Variants in SLC7A14 observed in about 807,000 individuals in gnomAD.
The protein encoded by SLC7A14 is solute carrier family 7 member 14.
Under a neutral mutation model 60.2 loss-of-function variants are expected in SLC7A14, and 37 were observed. The ratio of observed to expected loss-of-function variants is 0.61; its 90% CI spans 0.47 to 0.81. SLC7A14 has a LOEUF of 0.81. Among genes scored for constraint, SLC7A14 ranks in the 30% least tolerant of loss-of-function variants. The pLI, the probability that SLC7A14 is intolerant of heterozygous loss-of-function variation, is 0.00. For synonymous variants in SLC7A14, 399 were observed against 395.8 expected (o/e 1.01, Z -0.10); for missense variants, 886 against 982.7 (o/e 0.90, Z 1.32).
Position 170,467,056 on chromosome 3 carries a change from T to C in SLC7A14, c.2315A>G (p.Ter772TrpextTer7). Residue 772 changes from the stop codon to tryptophan, a stop_lost, in exon 8 of 8, where the codon TAG becomes TGG. Transcript: ENST00000231706. ...TTTCTACCCACTTGTGTGTTTCTCC[T>C]ACTCTGGAGAGTAATCTAACTCATC... is the stretch of plus-strand genomic sequence containing the variant. ...ANDELDYSPE[*>W] The C allele has an allele frequency of 6.3e-7, 1 of 1,596,288 alleles. No homozygotes were observed. Among genetic ancestry groups the C allele is most frequent in the South Asian group, 1.1e-5 (1 of 88,360 alleles).
intron 1 of SLC7A14, among the ~76,000 whole-genome samples, chr3:170,553,456 A>G (rs1299072925): frequency 6.6e-6 from 1 of 152,116 alleles, no homozygotes; most frequent in Non-Finnish European, 1.5e-5. Context: ...CCAGTTCAAA[A>G]CAGTAACATT....
At position 170,535,078 on chromosome 3, in the gene SLC7A14, C is replaced by G. The variant is rs1713798455; in HGVS notation, c.-152-7990G>C. On this transcript the variant is annotated intron_variant, in intron 1 of 7. Coordinates refer to ENST00000231706, the MANE Select transcript of SLC7A14 (RefSeq NM_020949.3). This position sits in a 1 kb window ranked among gnomAD's most constrained non-coding sequence, Gnocchi z 4.3. ...GACATCACCTTCTCCTCTCCTTTTC[C>G]ATGGACCTCAGGTCCGGTGCCTCAG... 6.6e-6 allele frequency among the ~76,000 whole-genome samples: 1 copy of G among 152,110 alleles called. No individual in the cohort carries two copies. The highest frequency in any genetic ancestry group is 2.4e-5 in the African/African-American group (1 of 41,434).
Position 170,480,615 on chromosome 3 carries a change from C to A in SLC7A14, c.1667G>T (p.Arg556Leu). The change falls in exon 7 of 8, where the codon CGG becomes CTG. Residue 556 changes from arginine (R) to leucine (L), a missense_variant. By Grantham distance (102) the Arg-to-Leu change is moderately radical. Transcript: ENST00000231706. Reference protein sequence around the residue: ...IRLGLPGKMDRPTAATGHTVT... With the variant: ...IRLGLPGKMDLPTAATGHTVT... ...CGTGTGCCCCGTCGCTGCTGTGGGC[C>A]GGTCCATTTTGCCTGGAAGGCCCAG... is the stretch of plus-strand genomic sequence containing the variant. 1 of 1,614,200 alleles carries A rather than the reference C, an allele frequency of 6.2e-7. No homozygotes were observed. The highest frequency in any genetic ancestry group is 8.5e-7 in the Non-Finnish European group (1 of 1,180,044).
rs1391479913 is a variant in SLC7A14 at position 170,465,213 on chromosome 3, T to C, written c.*1842A>G. ...TTAGTTTAATGGTATACATTGGCTATGATTACGATATGTAATTTATTTAAA... is the reference window on the plus strand; with the variant it reads ...TTAGTTTAATGGTATACATTGGCTACGATTACGATATGTAATTTATTTAAA... On this transcript the variant is annotated 3_prime_UTR_variant, in exon 8 of 8. Transcript: ENST00000231706. The C allele has an allele frequency of 6.6e-6, 1 of 152,266 alleles. No individual in the cohort carries two copies. The highest frequency in any genetic ancestry group is 2.4e-5 in the African/African-American group (1 of 41,474). 9.4% of individuals were successfully genotyped at this position (152,266 alleles called of 1,614,324 possible).
chr3:170,561,635 G>C (rs1714653633), intron 1 of SLC7A14, among the ~76,000 whole-genome samples: 1 of 152,168 alleles, frequency 6.6e-6, no homozygotes, highest in African/African-American at 2.4e-5. Context: ...ACTTTAAAAG[G>C]CTATCCATGG....
chr3:170,572,593 A>C (rs1273136327), intron 1 of SLC7A14, among the ~76,000 whole-genome samples: 1 of 152,206 alleles, frequency 6.6e-6, no homozygotes. Context: ...ATGGGATCAG[A>C]GTGTTTATTT....
chr3:170,511,886 A>G lies in SLC7A14; in HGVS notation c.305-10541T>C, dbSNP rs189516829. Among the ~76,000 whole-genome samples the G allele has an allele frequency of 2.2e-4, 34 of 152,322 alleles. No individual in the cohort carries two copies. In the East Asian group the frequency reaches 4.6e-3, roughly 21 times the overall value. The stretch of plus-strand genomic sequence containing the variant: ...CTTCTTGTTCTGTTCCACAACTGCA[A>G]TGAGAAATTGTGAGGGTGAATAGAA... On this transcript the variant is annotated intron_variant, in intron 2 of 7. Transcript: ENST00000231706.
chr3:170,581,359 G>C (rs568995011), intron 1 of SLC7A14, among the ~76,000 whole-genome samples: 1 of 151,932 alleles, frequency 6.6e-6, no homozygotes, highest in Non-Finnish European at 1.5e-5. Context: ...TACCATGATG[G>C]GTTCATTATT....
chr3:170,484,515 C>A (rs4955589), intron 5 of SLC7A14, among the ~76,000 whole-genome samples: 10 of 152,074 alleles, frequency 6.6e-5, no homozygotes, highest in Non-Finnish European at 1.3e-4. Context: ...AGTCATATGG[C>A]CAGATATGGG....
rs1255534132 is a variant in SLC7A14 at position 170,461,233 on chromosome 3, A to G, written c.*5822T>C. On this transcript the variant is annotated 3_prime_UTR_variant, in exon 8 of 8. Transcript: ENST00000231706. ...CCGGCCCAGTTTAATGATTTTGTAC[A>G]CTGTTTTAGTTGATACTGCAGAACA... is the stretch of plus-strand genomic sequence containing the variant. 6.6e-6 allele frequency: 1 copy of G among 152,118 alleles called. No individual in the cohort carries two copies. The highest frequency in any genetic ancestry group is 1.5e-5 in the Non-Finnish European group (1 of 68,036). 9.4% of individuals were successfully genotyped at this position (152,118 alleles called of 1,614,324 possible).
intron 7 of SLC7A14, among the ~76,000 whole-genome samples, chr3:170,469,852 C>T (rs539996188): frequency 1.1e-4 from 17 of 152,044 alleles, no homozygotes; most frequent in African/African-American, 4.1e-4. Context: ...TTTTCTTTTC[C>T]CTTTGCCCCA....
chr3:170,533,232 T>G (rs79163178), intron 1 of SLC7A14, among the ~76,000 whole-genome samples: 6,260 of 152,262 alleles, frequency 0.041, 401 homozygotes, highest in African/African-American at 0.14. Flanking sequence ...GGGATGTGCT[T>G]GCATGTCAGC....
chr3:170,474,469 C>T (rs1711553626), intron 7 of SLC7A14, among the ~76,000 whole-genome samples: 1 of 152,206 alleles, frequency 6.6e-6, no homozygotes, highest in Non-Finnish European at 1.5e-5. Context: ...CCTTGGAATC[C>T]CACCAGCCCT....
chr3:170,505,139 C>T (rs1473782942), intron 2 of SLC7A14, among the ~76,000 whole-genome samples: 2 of 151,404 alleles, frequency 1.3e-5, no homozygotes, highest in African/African-American at 4.9e-5. Context: ...ATTGAATTTT[C>T]CAGGACTGCA....
chr3:170,562,590 A>G (rs1458314974), intron 1 of SLC7A14, among the ~76,000 whole-genome samples: 1 of 152,116 alleles, frequency 6.6e-6, no homozygotes, highest in African/African-American at 2.4e-5. Flanking sequence ...TCACCACTAA[A>G]GAACTTACTT....
chr3:170,568,962 A>G (rs1714869212), intron 1 of SLC7A14, among the ~76,000 whole-genome samples: 1 of 152,198 alleles, frequency 6.6e-6, no homozygotes, highest in East Asian at 1.9e-4. Context: ...GCAAACAGGG[A>G]CAATTTGACT....
chr3:170,496,017 A>C (rs1440621864), intron 4 of SLC7A14: 1 of 1,169,852 alleles, frequency 8.5e-7, no homozygotes, highest in Non-Finnish European at 1.3e-6. Flanking sequence ...ATTTGTCCTC[A>C]TCAAGAAGGA....
intron 2 of SLC7A14, among the ~76,000 whole-genome samples, chr3:170,515,842 C>T (rs531792890): frequency 8.5e-5 from 13 of 152,278 alleles, no homozygotes; most frequent in Non-Finnish European, 1.6e-4. Context: ...CGACTTCTGA[C>T]GCAGGCCTGA....
Position 170,517,847 on chromosome 3 carries a change from C to T in SLC7A14, c.304+8786G>A, listed in dbSNP as rs6787990. Among the ~76,000 whole-genome samples, 1,116 of 152,276 alleles carry T rather than the reference C, an allele frequency of 7.3e-3. 21 individuals are homozygous for T. Among genetic ancestry groups the T allele is most frequent in the African/African-American group, 0.025 (1,022 of 41,544 alleles). ...ATGGCAGGAAACACAAATTTTAAAC[C>T]CTAATGCCAAATCATAAACTAAGGG... On this transcript the variant is annotated intron_variant, in intron 2 of 7. Transcript: ENST00000231706.
Sources: allele counts gnomAD v4.1 joint callset (sites outside exome capture counted in the v4.1 genomes callset), GRCh38; gene constraint gnomAD v4.1.1; non-coding constraint Gnocchi (gnomAD v3.1); transcripts MANE v1.5; gene names NCBI Gene and HGNC (gene_info 2026-07-23, HGNC 2026-07-21).